The following DNM3 variants were observed in gnomAD, a reference collection of about 807,000 sequenced individuals.
The protein encoded by DNM3 is dynamin-3.
DNM3 carries 47 observed loss-of-function variants against 101.6 expected under a neutral mutation model. That is an observed-to-expected ratio of 0.46 (90% CI 0.37 to 0.59). DNM3 has a LOEUF of 0.59. Among genes scored for constraint, DNM3 ranks in the 20% least tolerant of loss-of-function variants. The pLI is 0.00. For synonymous variants in DNM3, 385 were observed against 387.9 expected (o/e 0.99, Z 0.09); for missense variants, 849 against 1,085.7 (o/e 0.78, Z 3.06).
In DNM3 at chr1:172,312,685, C is replaced by T. The variant is rs559663918; in HGVS notation, c.1881+3846C>T. 2.0e-5 allele frequency among the ~76,000 whole-genome samples: 3 copies of T among 152,076 alleles called. No homozygotes were observed. The South Asian group carries it at 6.2e-4, about 32-fold the overall frequency. ...CCTCTTTCCTCCCTTCTTTCTTTCC[C>T]TTCATCCATCACTATTAAAGTGGAC... is the stretch of plus-strand genomic sequence containing the variant. On this transcript the variant is annotated intron_variant, in intron 16 of 20. Transcript: ENST00000627582.
At chr1:171,984,843 C>T (rs1021986583) in intron 2 of DNM3, among the ~76,000 whole-genome samples, 1 of 152,132 alleles carries the variant, frequency 6.6e-6, no homozygotes, top group Non-Finnish European at 1.5e-5. Context: ...GTCTGGGGGA[C>T]ACTATTCTCA....
At chr1:171,962,706 T>C (rs955483836) in intron 2 of DNM3, among the ~76,000 whole-genome samples, 1 of 152,138 alleles carries the variant, frequency 6.6e-6, no homozygotes, top group African/African-American at 2.4e-5. Context: ...CTTCTAAACC[T>C]AATTACCTCC....
chr1:172,409,191 C>G lies in DNM3; in HGVS notation c.*1350C>G, dbSNP rs1375308319. 2.0e-6 allele frequency: 2 copies of G among 985,242 alleles called. No individual in the cohort carries two copies. The highest frequency in any genetic ancestry group is 1.7e-5 in the African/African-American group (1 of 57,220). The allele number at this position is 985,242 out of a possible 1,614,324, so 61.0% of individuals were successfully genotyped here. Reference sequence around the variant, plus strand: ...ATTTTGTGTGCTAACTGTTCCCAGACAGCAGAGCAAGTATTCACTGAGTAG... The same window carrying G: ...ATTTTGTGTGCTAACTGTTCCCAGAGAGCAGAGCAAGTATTCACTGAGTAG... On this transcript the variant is annotated 3_prime_UTR_variant, in exon 21 of 21. Transcript: ENST00000627582.
chr1:172,099,439 G>A (rs578123986), intron 13 of DNM3, among the ~76,000 whole-genome samples: 6 of 152,100 alleles, frequency 3.9e-5, no homozygotes, highest in Non-Finnish European at 8.8e-5. Flanking sequence ...AGAAGCCTGG[G>A]CAAGGGAGGT....
At chr1:172,071,117 A>ATATATATATATATATATCTATC (rs1553362093) in intron 11 of DNM3, among the ~76,000 whole-genome samples, 1 of 131,694 alleles carries the variant, frequency 7.6e-6, no homozygotes, top group African/African-American at 2.9e-5. Context: ...ATATATATAT[A>ATATATATATATATATATCTATC]TATCTTAGTT....
chr1:172,170,144 A>C (rs561979104), intron 14 of DNM3, among the ~76,000 whole-genome samples: 1 of 151,962 alleles, frequency 6.6e-6, no homozygotes, highest in South Asian at 2.1e-4. Flanking sequence ...TAAGCTAGAG[A>C]GTTTTTTGTT....
At chr1:171,966,623 G>A (rs768068490) in intron 2 of DNM3, among the ~76,000 whole-genome samples, 1 of 152,164 alleles carries the variant, frequency 6.6e-6, no homozygotes, top group Non-Finnish European at 1.5e-5. Flanking sequence ...GCTCCACAGA[G>A]TTGTATTACA....
chr1:172,305,464 C>A (rs574671830), intron 15 of DNM3, among the ~76,000 whole-genome samples: 1 of 152,216 alleles, frequency 6.6e-6, no homozygotes, highest in African/African-American at 2.4e-5. Flanking sequence ...CAAGGAGGAA[C>A]TGGTAGCATT....
intron 14 of DNM3, among the ~76,000 whole-genome samples, chr1:172,165,278 AAGAT>A (rs1325709087): frequency 1.3e-5 from 2 of 152,050 alleles, no homozygotes; most frequent in Non-Finnish European, 2.9e-5. Context: ...TGGAAAATAA[AAGAT>A]AGAACAAAAT....
intron 2 of DNM3, among the ~76,000 whole-genome samples, chr1:171,935,507 A>G (rs1361488407): frequency 6.6e-6 from 1 of 152,202 alleles, no homozygotes; most frequent in African/African-American, 2.4e-5. Flanking sequence ...AGAGATGTAC[A>G]AAACATTGAT....
chr1:172,133,970 G>A lies in DNM3; in HGVS notation c.1659+2682G>A, dbSNP rs540103171. 3.9e-5 allele frequency among the ~76,000 whole-genome samples: 6 copies of A among 152,274 alleles called. No homozygotes were observed. In the South Asian group the frequency reaches 1.0e-3, roughly 26 times the overall value. ...GAAAATGATTGGAGTGTTCCAACAG[G>A]TTGTGACATGATTGGATTGATGGTT... On this transcript the variant is annotated intron_variant, in intron 14 of 20. Transcript: ENST00000627582.
chr1:171,846,767 C>T (rs1013878895), intron 1 of DNM3, among the ~76,000 whole-genome samples: 1 of 152,152 alleles, frequency 6.6e-6, no homozygotes, highest in Admixed American at 6.5e-5. Flanking sequence ...TGCAGTTTCT[C>T]ACACTCTCTG....
chr1:172,215,509 T>C (rs1282910123), intron 14 of DNM3, among the ~76,000 whole-genome samples: 1 of 151,970 alleles, frequency 6.6e-6, no homozygotes, highest in African/African-American at 2.4e-5. Flanking sequence ...TATGTATGTT[T>C]TAAATTAAGG....
chr1:172,417,680 A>G (rs1387904364), downstream of DNM3, among the ~76,000 whole-genome samples: 2 of 152,174 alleles, frequency 1.3e-5, no homozygotes, highest in African/African-American at 4.8e-5. Flanking sequence ...CACCAGGACT[A>G]CTCACCTGGA....
chr1:171,956,510 G>T (rs576272851), intron 2 of DNM3, among the ~76,000 whole-genome samples: 18 of 152,116 alleles, frequency 1.2e-4, no homozygotes, highest in South Asian at 8.3e-4. Context: ...GGCTTTGTAG[G>T]GTATAGCCCC....
At chr1:172,070,722 A>C (rs1031903373) in intron 11 of DNM3, among the ~76,000 whole-genome samples, 1 of 151,938 alleles carries the variant, frequency 6.6e-6, no homozygotes, top group Non-Finnish European at 1.5e-5. Context: ...TTACACTTCA[A>C]TTTTCGCATC....
At chr1:172,005,805 C>T (rs2046649955) in intron 4 of DNM3, among the ~76,000 whole-genome samples, 1 of 152,024 alleles carries the variant, frequency 6.6e-6, no homozygotes, top group Non-Finnish European at 1.5e-5. Context: ...GAAACTTTTG[C>T]TGTAGTAGAA....
chr1:172,354,112 T>TGTGTGAGAGAGAGA lies in DNM3; in HGVS notation c.1894-24905_1894-24904insTGTGAGAGAGAGAG, dbSNP rs138540712. 2.8e-3 allele frequency among the ~76,000 whole-genome samples: 270 copies of TGTGTGAGAGAGAGA among 94,960 alleles called. 1 individual carries two copies. Among genetic ancestry groups the TGTGTGAGAGAGAGA allele is most frequent in the African/African-American group, 7.9e-3 (178 of 22,610 alleles). The allele number at this position is 94,960 out of a possible 152,430, so 62.3% of individuals were successfully genotyped here. The stretch of plus-strand genomic sequence containing the variant: ...GGGTGTGTGTGTGTGTGTGTGTGTG[T>TGTGTGAGAGAGAGA]GAGAGAGAGAGAGAGAGAGAGAGAG... On this transcript the variant is annotated intron_variant, in intron 17 of 20. Transcript: ENST00000627582.
At chr1:172,262,505 G>A (rs2062700522) in intron 15 of DNM3, among the ~76,000 whole-genome samples, 1 of 152,104 alleles carries the variant, frequency 6.6e-6, no homozygotes, top group African/African-American at 2.4e-5. Context: ...GCAGAAACAT[G>A]GTCTACTGGG....
Sources: gnomAD v4.1 joint callset for allele counts (sites outside exome capture counted in the v4.1 genomes callset) on GRCh38, gnomAD v4.1.1 for gene constraint, MANE v1.5 for transcripts, NCBI Gene and HGNC (gene_info 2026-07-23, HGNC 2026-07-21) for gene names.